SCARB2: variants seen among roughly 807,000 people sequenced by gnomAD.
The protein encoded by SCARB2 is lysosome membrane protein 2.
Under a neutral mutation model 58.6 loss-of-function variants are expected in SCARB2, and 29 were observed. That is an observed-to-expected ratio of 0.49 (90% CI 0.37 to 0.67). The LOEUF is 0.67. SCARB2 is among the 30% of genes least tolerant of loss of function. The pLI, the probability that SCARB2 is intolerant of heterozygous loss-of-function variation, is 0.00. For missense variants in SCARB2, 488 were observed against 578.5 expected, an observed-to-expected ratio of 0.84 and a Z score of 1.60; for synonymous variants, 195 against 210.1, an observed-to-expected ratio of 0.93 and a Z score of 0.62.
At chr4:76,228,922 A>G (rs1019184426) in intron 1 of SCARB2, among the ~76,000 whole-genome samples, 18 of 32,202 alleles carry the variant, frequency 5.6e-4, no homozygotes, top group Admixed American at 2.1e-3. Context: ...AAATCCCTCA[A>G]ATAAATTTCC....
At chr4:76,231,453 G>A (rs570816134) in intron 1 of SCARB2, among the ~76,000 whole-genome samples, 1 of 152,190 alleles carries the variant, frequency 6.6e-6, no homozygotes, top group African/African-American at 2.4e-5. Flanking sequence ...CAACTAGTGA[G>A]TTTAGAATTT....
chr4:76,170,125 C>A, intron 7 of SCARB2, 140 bp from the exon 8 acceptor site: 1 of 718,126 alleles, frequency 1.4e-6, no homozygotes, highest in Non-Finnish European at 2.5e-6. Context: ...TAGGCTAAAA[C>A]ACCATCCTTT....
At chr4:76,161,911 G>T in intron 11 of SCARB2, 160 bp from the exon 12 acceptor site, 1 of 685,586 alleles carries the variant, frequency 1.5e-6, no homozygotes, top group Non-Finnish European at 2.5e-6. Context: ...GCTTGTTCTT[G>T]AAGATTCAGC....
intron 7 of SCARB2, among the ~76,000 whole-genome samples, chr4:76,170,528 A>AT (rs1328589541): frequency 6.6e-6 from 1 of 151,982 alleles, no homozygotes; most frequent in Admixed American, 6.6e-5. Context: ...TTAAAAAAAA[A>AT]TTTTTGGTGG....
rs1007613211 is a variant in SCARB2 at position 76,158,907 on chromosome 4, C to A, written c.*2806G>T. Reference sequence around the variant, plus strand: ...AATTTAGTGATAATGTCCAGAGGGCCAAGGATGCGGACCACCTTTTGCAGA... The same window carrying A: ...AATTTAGTGATAATGTCCAGAGGGCAAAGGATGCGGACCACCTTTTGCAGA... On this transcript the variant is annotated 3_prime_UTR_variant, in exon 12 of 12. Coordinates refer to ENST00000264896, the MANE Select transcript of SCARB2 (RefSeq NM_005506.4). 4 of 152,156 alleles carry A rather than the reference C, an allele frequency of 2.6e-5. No individual in the cohort carries two copies. Among genetic ancestry groups the A allele is most frequent in the Admixed American group, 2.0e-4 (3 of 15,280 alleles). The allele number at this position is 152,156 out of a possible 1,614,324, so 9.4% of individuals were successfully genotyped here.
At chr4:76,184,750 C>G (rs1252142330) in intron 2 of SCARB2, 1 of 379,358 alleles carries the variant, frequency 2.6e-6, no homozygotes, top group South Asian at 2.1e-5. Flanking sequence ...CCACTGCATT[C>G]CAGCATGAGC....
chr4:76,185,365 C>CA (rs1732464678), intron 2 of SCARB2, among the ~76,000 whole-genome samples: 3 of 152,252 alleles, frequency 2.0e-5, no homozygotes, highest in Admixed American at 1.3e-4. Context: ...AAAACAACAA[C>CA]AAAAAACAAA....
In SCARB2 at chr4:76,202,179, G is replaced by A. The variant is rs139996858; in HGVS notation, c.118-6315C>T. 9.2e-5 allele frequency among the ~76,000 whole-genome samples: 14 copies of A among 152,324 alleles called. No homozygotes were observed. The East Asian group carries it at 2.7e-3, about 29-fold the overall frequency. ...AGTAGCAGATAACATTACTACAAAT[G>A]TGCAGAAAAAGTCATGTGTTGCCTC... is the stretch of plus-strand genomic sequence containing the variant. On this transcript the variant is annotated intron_variant, in intron 1 of 11. Coordinates refer to ENST00000264896, the MANE Select transcript of SCARB2 (RefSeq NM_005506.4).
intron 1 of SCARB2, among the ~76,000 whole-genome samples, chr4:76,220,377 A>T (rs1240028436): frequency 6.6e-6 from 1 of 152,230 alleles, no homozygotes; most frequent in Non-Finnish European, 1.5e-5. Context: ...CTGTAATACC[A>T]GTATTTTGGG....
chr4:76,226,357 T>C (rs1383475858), intron 1 of SCARB2, among the ~76,000 whole-genome samples: 1 of 152,212 alleles, frequency 6.6e-6, no homozygotes, highest in South Asian at 2.1e-4. Flanking sequence ...GCTCTGCTAC[T>C]TGAGATAATG....
At position 76,179,545 on chromosome 4, in the gene SCARB2, A is replaced by C. The variant is rs2109947161; in HGVS notation, c.584T>G (p.Ile195Ser). 6.2e-7 allele frequency: 1 copy of C among 1,614,174 alleles called. No individual in the cohort carries two copies. The highest frequency in any genetic ancestry group is 8.5e-7 in the Non-Finnish European group (1 of 1,179,988). ...ATAGAATAGGCCAAAATAGGGAGAG[A>C]TATCGGGCCTGAAAACATGGATAAG... ...LSLIHVFRPD[I>S]SPYFGLFYEK... Residue 195 changes from isoleucine (I) to serine (S), a missense_variant, in exon 4 of 12, where the codon ATC (isoleucine) becomes AGC (serine). By Grantham distance (142) the Ile-to-Ser change is moderately radical (BLOSUM62 -2). Coordinates refer to ENST00000264896, the MANE Select transcript of SCARB2 (RefSeq NM_005506.4).
At chr4:76,174,658 G>A (rs552742500) in intron 6 of SCARB2, 15 of 301,148 alleles carry the variant, frequency 5.0e-5, no homozygotes, top group African/African-American at 2.9e-4. Flanking sequence ...ACGGGCCACC[G>A]GCAAAGCCAG....
chr4:76,166,697 T>C lies in SCARB2; in HGVS notation c.1188-396A>G, dbSNP rs1732016152. 11 of 287,776 alleles carry C rather than the reference T, an allele frequency of 3.8e-5. No homozygotes were observed. In the South Asian group the frequency reaches 4.2e-4, roughly 11 times the overall value. The allele number at this position is 287,776 out of a possible 1,614,324, so 17.8% of individuals were successfully genotyped here. On this transcript the variant is annotated intron_variant, in intron 9 of 11. Transcript: ENST00000264896. ...CACGTGCCAGCTCTGTGCTGGGTGTTTTTGGGATATTATCTCATTCAATTC... is the reference window on the plus strand; with the variant it reads ...CACGTGCCAGCTCTGTGCTGGGTGTCTTTGGGATATTATCTCATTCAATTC...
At chr4:76,209,616 T>C (rs1578741037) in intron 1 of SCARB2, among the ~76,000 whole-genome samples, 1 of 152,122 alleles carries the variant, frequency 6.6e-6, no homozygotes, top group East Asian at 1.9e-4. Context: ...ATCCACCCGA[T>C]TCAGCCTCCC....
chr4:76,202,409 A>T (rs1435012471), intron 1 of SCARB2, among the ~76,000 whole-genome samples: 1 of 152,042 alleles, frequency 6.6e-6, no homozygotes, highest in Admixed American at 6.5e-5. Flanking sequence ...TTACAGGCAC[A>T]CATGACCACA....
chr4:76,205,853 T>C (rs1182737930), intron 1 of SCARB2, among the ~76,000 whole-genome samples: 1 of 152,214 alleles, frequency 6.6e-6, no homozygotes, highest in African/African-American at 2.4e-5. Flanking sequence ...GAGTGTCAGA[T>C]ATAGAGAAAC....
intron 1 of SCARB2, among the ~76,000 whole-genome samples, chr4:76,221,036 A>C (rs559728503): frequency 3.9e-5 from 6 of 152,246 alleles, no homozygotes; most frequent in Admixed American, 2.6e-4. Flanking sequence ...ACTGATTCCT[A>C]ATCAACTCCT....
At chr4:76,224,077 C>T (rs1330331494) in intron 1 of SCARB2, among the ~76,000 whole-genome samples, 1 of 152,140 alleles carries the variant, frequency 6.6e-6, no homozygotes, top group Admixed American at 6.5e-5. Flanking sequence ...AGGTATTAAA[C>T]CAGAATGTGA....
At chr4:76,170,446 C>T (rs1403774835) in intron 7 of SCARB2, among the ~76,000 whole-genome samples, 2 of 152,164 alleles carry the variant, frequency 1.3e-5, no homozygotes, top group Non-Finnish European at 2.9e-5. Context: ...TGTTGTACCT[C>T]AAAGCACTAG....
Sources: allele counts gnomAD v4.1 joint callset (sites outside exome capture counted in the v4.1 genomes callset), GRCh38; gene constraint gnomAD v4.1.1; transcripts MANE v1.5; gene names NCBI Gene and HGNC (gene_info 2026-07-23, HGNC 2026-07-21).